The following IL1RAP variants were observed in gnomAD, a reference collection of about 807,000 sequenced individuals.
IL1RAP encodes the protein interleukin 1 receptor accessory protein.
IL1RAP carries 35 observed loss-of-function variants against 60.7 expected under a neutral mutation model. That is an observed-to-expected ratio of 0.58 (90% CI 0.44 to 0.76). The LOEUF (loss-of-function observed/expected upper bound fraction) is 0.76, where lower values mean the gene tolerates loss of function less well. IL1RAP is among the 30% of genes least tolerant of loss of function. IL1RAP has a pLI of 0.00. For missense variants in IL1RAP, 572 were observed against 693.9 expected (o/e 0.82, Z 1.97); for synonymous variants, 268 against 250.9 (o/e 1.07, Z -0.64).
intron 9 of IL1RAP, among the ~76,000 whole-genome samples, chr3:190,633,034 C>T (rs1732918420): frequency 3.3e-5 from 5 of 151,560 alleles, no homozygotes; most frequent in Admixed American, 1.3e-4. Flanking sequence ...ATATGTCTTC[C>T]CCCTTTTTTC....
chr3:190,636,963 T>G (rs2108838532), intron 9 of IL1RAP, among the ~76,000 whole-genome samples: 2 of 152,312 alleles, frequency 1.3e-5, no homozygotes, highest in South Asian at 4.1e-4. Context: ...TTGTTTTGTT[T>G]TGTTTCCTCT....
At chr3:190,557,594 G>T (rs1725533742) in intron 2 of IL1RAP, among the ~76,000 whole-genome samples, 1 of 152,096 alleles carries the variant, frequency 6.6e-6, no homozygotes. Flanking sequence ...GCATTTCATT[G>T]ATCTCTCCAT....
intron 1 of IL1RAP, among the ~76,000 whole-genome samples, chr3:190,537,263 C>G (rs950256453): frequency 6.6e-6 from 1 of 151,758 alleles, no homozygotes; most frequent in Non-Finnish European, 1.5e-5. Context: ...GTGAACTTGC[C>G]CATTAGAGTT....
intron 10 of IL1RAP, among the ~76,000 whole-genome samples, chr3:190,644,621 A>C (rs1012823697): frequency 6.6e-5 from 10 of 152,194 alleles, no homozygotes; most frequent in Non-Finnish European, 1.0e-4. Flanking sequence ...AACACCCTCC[A>C]AATAGAAATA....
rs921437415 is a variant in IL1RAP at position 190,649,528 on chromosome 3, G to A, written c.*823G>A. On this transcript the variant is annotated 3_prime_UTR_variant, in exon 12 of 12. Coordinates refer to ENST00000447382, the MANE Select transcript of IL1RAP (RefSeq NM_002182.4). ...AGAAATCTCCTAATGGTGCTATAGA[G>A]AGGGAGGTAACAGAAAGACTCTTTT... is the stretch of plus-strand genomic sequence containing the variant. 19 of 985,722 alleles carry A rather than the reference G, an allele frequency of 1.9e-5. No homozygotes were observed. The African/African-American group carries it at 3.0e-4, about 15-fold the overall frequency. The allele number at this position is 985,722 out of a possible 1,614,324, so 61.1% of individuals were successfully genotyped here. A position where few individuals can be genotyped will look rare whatever the true frequency, so the allele number is the denominator to read the frequency against.
intron 3 of IL1RAP, among the ~76,000 whole-genome samples, chr3:190,573,021 G>A (rs1318907044): frequency 1.1e-5 from 1 of 90,674 alleles, no homozygotes; most frequent in Non-Finnish European, 2.5e-5. Context: ...CCGCCACCAC[G>A]CCCGGCTAAT....
intron 3 of IL1RAP, among the ~76,000 whole-genome samples, chr3:190,580,561 A>G (rs1727905406): frequency 1.3e-5 from 2 of 152,212 alleles, no homozygotes; most frequent in African/African-American, 4.8e-5. Context: ...GACAGACACT[A>G]CATGATGCTA....
intron 8 of IL1RAP, among the ~76,000 whole-genome samples, chr3:190,627,987 T>C (rs910448393): frequency 6.6e-6 from 1 of 152,184 alleles, no homozygotes; most frequent in South Asian, 2.1e-4. Context: ...ATATAACCTA[T>C]AGTTACATTT....
At chr3:190,535,855 A>G (rs1389721370) in intron 1 of IL1RAP, among the ~76,000 whole-genome samples, 3 of 152,172 alleles carry the variant, frequency 2.0e-5, no homozygotes, top group African/African-American at 7.2e-5. Context: ...AGTCTTCCTC[A>G]GGTCTCCTAT....
At chr3:190,611,083 A>G (rs6793294) in intron 5 of IL1RAP, among the ~76,000 whole-genome samples, 133,510 of 152,142 alleles carry the variant, frequency 0.88, 58,664 homozygotes, top group East Asian at 1. Flanking sequence ...GTTGTAGAGA[A>G]GTGTGTTTTG....
At chr3:190,584,055 C>A (rs1005378218) in intron 3 of IL1RAP, among the ~76,000 whole-genome samples, 1 of 152,174 alleles carries the variant, frequency 6.6e-6, no homozygotes, top group Non-Finnish European at 1.5e-5. Context: ...GCCGTCCCCC[C>A]ACACCCAGTC....
chr3:190,522,952 C>T (rs1560136492), intron 1 of IL1RAP, among the ~76,000 whole-genome samples: 1 of 151,992 alleles, frequency 6.6e-6, no homozygotes, highest in Non-Finnish European at 1.5e-5. Flanking sequence ...TCAGTGTAAA[C>T]CTAAGGAAGT....
At chr3:190,533,316 G>C (rs770532612) in intron 1 of IL1RAP, among the ~76,000 whole-genome samples, 1 of 152,206 alleles carries the variant, frequency 6.6e-6, no homozygotes, top group Non-Finnish European at 1.5e-5. Context: ...TAGACATCTA[G>C]TTGGCAAGGA....
chr3:190,637,842 TTA>T (rs1390586627), intron 9 of IL1RAP, among the ~76,000 whole-genome samples: 2 of 151,894 alleles, frequency 1.3e-5, no homozygotes, highest in African/African-American at 4.8e-5. Flanking sequence ...AGTTTTTTTT[TTA>T]TATATTCTAG....
chr3:190,533,722 C>T (rs570027804), intron 1 of IL1RAP, among the ~76,000 whole-genome samples: 18 of 152,160 alleles, frequency 1.2e-4, no homozygotes, highest in African/African-American at 4.3e-4. Flanking sequence ...TGGCTGCCAG[C>T]TCTGGATTTT....
chr3:190,644,501 T>A, intron 10 of IL1RAP, 104 bp downstream of exon 10: 1 of 866,954 alleles, frequency 1.2e-6, no homozygotes. Context: ...AAACCTAGAT[T>A]AACTGGAAGA....
rs2108865473 is a variant in IL1RAP at position 190,648,539 on chromosome 3, G to C, written c.1547G>C (p.Arg516Thr). The C allele has an allele frequency of 6.2e-7, 1 of 1,614,096 alleles. No individual in the cohort carries two copies. The highest frequency in any genetic ancestry group is 2.2e-5 in the East Asian group (1 of 44,880). Residue 516 changes from arginine (R) to threonine (T), a missense_variant, in exon 12 of 12, where the codon AGG becomes ACG. By Grantham distance (71) the Arg-to-Thr change is moderately conservative. Transcript: ENST00000447382. ...VKETKVKELK[R>T]AKTVLTVIKW... ...GAAACGAAGGTGAAAGAGCTGAAGA[G>C]GGCTAAGACGGTGCTCACGGTCATT...
intron 1 of IL1RAP, among the ~76,000 whole-genome samples, chr3:190,520,882 T>C (rs1010049084): frequency 2.0e-5 from 3 of 152,212 alleles, no homozygotes; most frequent in African/African-American, 7.2e-5. Flanking sequence ...CTTTCGTTGA[T>C]AGCAGTTTCT....
chr3:190,650,510 G>A lies in IL1RAP; in HGVS notation c.*1805G>A. Reference sequence around the variant, plus strand: ...AACTGTAAATGAATCTTGGTATCCTGTGAAACAGAATAATTCGTAATTTAA... The same window carrying A: ...AACTGTAAATGAATCTTGGTATCCTATGAAACAGAATAATTCGTAATTTAA... On this transcript the variant is annotated 3_prime_UTR_variant, in exon 12 of 12. Transcript: ENST00000447382. The A allele has an allele frequency of 1.0e-6, 1 of 982,864 alleles. No individual in the cohort carries two copies. Among genetic ancestry groups the A allele is most frequent in the East Asian group, 1.1e-4 (1 of 8,796 alleles). 60.9% of individuals were successfully genotyped at this position (982,864 alleles called of 1,614,324 possible).
Sources: allele counts gnomAD v4.1 joint callset (sites outside exome capture counted in the v4.1 genomes callset), GRCh38; gene constraint gnomAD v4.1.1; transcripts MANE v1.5; gene names NCBI Gene and HGNC (gene_info 2026-07-23, HGNC 2026-07-21).